The following DPY19L2 variants were observed in gnomAD, a reference collection of about 807,000 sequenced individuals.
DPY19L2 encodes the protein dpy-19 like 2, also known as probable C-mannosyltransferase DPY19L2.
A neutral mutation model predicts 97.9 loss-of-function variants in DPY19L2; 34 were observed. The ratio of observed to expected loss-of-function variants is 0.35; its 90% confidence interval spans 0.26 to 0.46. DPY19L2 has a LOEUF of 0.46. Among genes scored for constraint, DPY19L2 ranks in the 20% least tolerant of loss-of-function variants. DPY19L2 has a pLI of 1.00. For synonymous variants in DPY19L2, 230 were observed against 307.9 expected, an observed-to-expected ratio of 0.75 and a Z score of 2.65; for missense variants, 623 against 911.4, an observed-to-expected ratio of 0.68 and a Z score of 4.07.
chr12:63,599,124 A>G (rs12227225), intron 13 of DPY19L2, among the ~76,000 whole-genome samples: 89,094 of 150,772 alleles, frequency 0.59, 26,973 homozygotes, highest in African/African-American at 0.74. Context: ...TGTGACCCGA[A>G]ATTGGCCACT....
At position 63,628,043 on chromosome 12, in the gene DPY19L2, G is replaced by A. The variant is rs1404241067; in HGVS notation, c.804-1517C>T. ...AGGACCAATTGTCAATGGAGGAACT[G>A]GGGAAATGTGGATAAATCAAAGTAA... On this transcript the variant is annotated intron_variant, in intron 6 of 21. Transcript: ENST00000324472. Among the ~76,000 whole-genome samples, 4 of 152,170 alleles carry A rather than the reference G, an allele frequency of 2.6e-5. No individual in the cohort carries two copies. The South Asian group carries it at 6.2e-4, about 24-fold the overall frequency.
chr12:63,626,727 T>C (rs1419892339), intron 6 of DPY19L2, among the ~76,000 whole-genome samples: 4 of 152,140 alleles, frequency 2.6e-5, no homozygotes, highest in Non-Finnish European at 5.9e-5. Context: ...TTAATCTCAA[T>C]TGTATAATTT....
chr12:63,609,068 T>A (rs1886523126), intron 11 of DPY19L2, among the ~76,000 whole-genome samples: 1 of 152,140 alleles, frequency 6.6e-6, no homozygotes, highest in Non-Finnish European at 1.5e-5. Context: ...GAATAAAATA[T>A]TTAAACATGT....
intron 19 of DPY19L2, 75 bp from the exon 20 acceptor site, chr12:63,570,932 T>C (rs1878721557): frequency 6.8e-7 from 1 of 1,467,748 alleles, no homozygotes; most frequent in Non-Finnish European, 9.2e-7. Context: ...ACCTCTAATA[T>C]GTGAACCCAA....
rs1258348413 is a variant in DPY19L2 at position 63,636,244 on chromosome 12, A to G, written c.803+8159T>C. Among the ~76,000 whole-genome samples, 6 of 152,258 alleles carry G rather than the reference A, an allele frequency of 3.9e-5. No homozygotes were observed. In the East Asian group the frequency reaches 9.6e-4, roughly 24 times the overall value. ...ACAAATGCTGAGAGATTTTGTCACC[A>G]CCAGGCCTGCCTTACAAGAGCTCCT... On this transcript the variant is annotated intron_variant, in intron 6 of 21. Transcript: ENST00000324472.
At chr12:63,600,988 T>G (rs1393846883) in intron 12 of DPY19L2, among the ~76,000 whole-genome samples, 1 of 152,032 alleles carries the variant, frequency 6.6e-6, no homozygotes, top group Non-Finnish European at 1.5e-5. Context: ...GGTTTCACCG[T>G]GTTAGCCAGG....
rs185081854 is a variant in DPY19L2, at chr12:63,607,659, C to G, written c.1278+957G>C. 1.6e-3 allele frequency among the ~76,000 whole-genome samples: 247 copies of G among 152,202 alleles called. 6 individuals are homozygous for G. The highest frequency in any genetic ancestry group is 0.015 in the Admixed American group (228 of 15,290). Reference sequence around the variant, plus strand: ...TTTCAATATATAACATGTAAAGATACAGTTCATTTCTTCTGTCACCCAGGG... The same window carrying G: ...TTTCAATATATAACATGTAAAGATAGAGTTCATTTCTTCTGTCACCCAGGG... On this transcript the variant is annotated intron_variant, in intron 12 of 21. Transcript: ENST00000324472.
At chr12:63,596,591 G>A (rs991479449) in intron 14 of DPY19L2, among the ~76,000 whole-genome samples, 8 of 152,108 alleles carry the variant, frequency 5.3e-5, no homozygotes, top group South Asian at 4.1e-4. Flanking sequence ...CCTATTTGTC[G>A]TGCTATAGCA....
chr12:63,627,733 T>C (rs550395865), intron 6 of DPY19L2, among the ~76,000 whole-genome samples: 2 of 152,294 alleles, frequency 1.3e-5, no homozygotes, highest in East Asian at 3.9e-4. Flanking sequence ...GTGTAGCGTT[T>C]CTATGCTTCC....
intron 19 of DPY19L2, 102 bp from the exon 20 acceptor site, chr12:63,570,959 C>A: frequency 2.5e-6 from 3 of 1,177,794 alleles, no homozygotes. Context: ...AAGGATGATG[C>A]CTATTTACAT....
intron 19 of DPY19L2, among the ~76,000 whole-genome samples, chr12:63,572,926 A>G (rs577819826): frequency 2.4e-4 from 37 of 152,316 alleles, no homozygotes; most frequent in African/African-American, 8.7e-4. Flanking sequence ...AGAAACTTAG[A>G]TCACAACACC....
At chr12:63,594,256 C>T (rs1389382218) in intron 15 of DPY19L2, 123 bp from the exon 16 acceptor site, 1 of 703,966 alleles carries the variant, frequency 1.4e-6, no homozygotes, top group East Asian at 3.3e-5. Flanking sequence ...TAAGGGAGTC[C>T]TCAGGAACAG....
intron 13 of DPY19L2, among the ~76,000 whole-genome samples, chr12:63,599,178 CAAAAAAAAAA>C (rs34866870): frequency 8.0e-6 from 1 of 125,006 alleles, no homozygotes; most frequent in Non-Finnish European, 1.8e-5. Flanking sequence ...TTTCAAAAAA[CAAAAAAAAAA>C]AAAAAAAAAG....
At chr12:63,583,297 C>T (rs1881255454) in intron 17 of DPY19L2, among the ~76,000 whole-genome samples, 1 of 152,154 alleles carries the variant, frequency 6.6e-6, no homozygotes, top group South Asian at 2.1e-4. Context: ...ATTTCCAGCC[C>T]ACACTGATCT....
intron 7 of DPY19L2, among the ~76,000 whole-genome samples, chr12:63,625,946 A>G (rs1889461684): frequency 6.8e-6 from 1 of 147,996 alleles, no homozygotes; most frequent in African/African-American, 2.4e-5. Flanking sequence ...TTATATATAT[A>G]TAATATATAA....
At chr12:63,635,171 G>T (rs75222099) in intron 6 of DPY19L2, among the ~76,000 whole-genome samples, 1 of 152,112 alleles carries the variant, frequency 6.6e-6, no homozygotes, top group Non-Finnish European at 1.5e-5. Flanking sequence ...ACGCAAACAG[G>T]GTCTGGAGTG....
At chr12:63,564,443 T>A (rs1244850446) in intron 21 of DPY19L2, among the ~76,000 whole-genome samples, 1 of 152,130 alleles carries the variant, frequency 6.6e-6, no homozygotes, top group East Asian at 1.9e-4. Flanking sequence ...TTCCCTTAGG[T>A]CAACATACGT....
At chr12:63,607,112 G>A (rs1180599583) in intron 12 of DPY19L2, among the ~76,000 whole-genome samples, 1 of 151,938 alleles carries the variant, frequency 6.6e-6, no homozygotes, top group Admixed American at 6.6e-5. Flanking sequence ...TTGTTTCTTT[G>A]ATATTCTTGA....
At chr12:63,648,509 C>T (rs1893745260) in intron 4 of DPY19L2, among the ~76,000 whole-genome samples, 1 of 151,800 alleles carries the variant, frequency 6.6e-6, no homozygotes, top group African/African-American at 2.4e-5. Flanking sequence ...TCACTGCAAC[C>T]TCTTCCTCCT....
Sources: allele counts gnomAD v4.1 joint callset (sites outside exome capture counted in the v4.1 genomes callset), GRCh38; gene constraint gnomAD v4.1.1; transcripts MANE v1.5; gene names NCBI Gene and HGNC (gene_info 2026-07-23, HGNC 2026-07-21).